The following ATXN3 variants were observed in gnomAD, a reference collection of about 807,000 sequenced individuals.
The protein encoded by ATXN3 is ataxin 3, also known as ataxin-3.
In ATXN3, 28 loss-of-function variants were observed where a neutral mutation model predicts 58.2. The observed-to-expected ratio is 0.48, with a 90% confidence interval of 0.36 to 0.66. The LOEUF is 0.66. Among genes scored for constraint, ATXN3 ranks in the 30% least tolerant of loss-of-function variants. The pLI is 0.00. For synonymous variants in ATXN3, 113 were observed against 138.5 expected (o/e 0.82, Z 1.29); for missense variants, 321 against 422.1 (o/e 0.76, Z 2.10).
intron 10 of ATXN3, among the ~76,000 whole-genome samples, chr14:92,066,542 C>T (rs545793946): frequency 6.6e-6 from 1 of 151,148 alleles, no homozygotes; most frequent in East Asian, 1.9e-4. Context: ...TTAATTTTCC[C>T]TTCACTCCTG....
At chr14:92,105,282 G>A (rs189405140) in intron 1 of ATXN3, among the ~76,000 whole-genome samples, 26 of 152,212 alleles carry the variant, frequency 1.7e-4, no homozygotes, top group Admixed American at 8.5e-4. Context: ...TGGCCCTGGC[G>A]ATATGCACCT....
chr14:92,086,289 G>A (rs187682177), intron 6 of ATXN3, among the ~76,000 whole-genome samples: 5 of 147,324 alleles, frequency 3.4e-5, no homozygotes, highest in East Asian at 2.0e-4. Flanking sequence ...GGGGCCAGGC[G>A]CAGTGGCTCA....
intron 5 of ATXN3, among the ~76,000 whole-genome samples, chr14:92,091,791 T>G (rs978220): frequency 0.28 from 42,827 of 151,766 alleles, 6,390 homozygotes; most frequent in East Asian, 0.44. Context: ...TTGACCTCTG[T>G]GCTCCCTCCT....
intron 2 of ATXN3, among the ~76,000 whole-genome samples, chr14:92,045,621 A>G (rs1219661299): frequency 1.3e-5 from 2 of 152,180 alleles, no homozygotes; most frequent in Non-Finnish European, 2.9e-5. Context: ...TGGAACACTG[A>G]GAAGTGATTT....
chr14:92,099,347 G>C (rs912489521), intron 1 of ATXN3, among the ~76,000 whole-genome samples: 1 of 152,224 alleles, frequency 6.6e-6, no homozygotes. Context: ...GGAATAGGAA[G>C]ACAACATTGA....
chr14:92,101,210 A>C (rs1027126438), intron 1 of ATXN3, among the ~76,000 whole-genome samples: 1 of 152,182 alleles, frequency 6.6e-6, no homozygotes, highest in Non-Finnish European at 1.5e-5. Flanking sequence ...TTCATACTAT[A>C]ATCTCAACTG....
At chr14:92,081,884 T>C (rs1185113350) in intron 8 of ATXN3, among the ~76,000 whole-genome samples, 1 of 151,794 alleles carries the variant, frequency 6.6e-6, no homozygotes, top group Non-Finnish European at 1.5e-5. Context: ...CCCACCAAAG[T>C]GGGCTTACGG....
In ATXN3 at chr14:92,082,430, T is replaced by C. The variant is rs770009219; in HGVS notation, c.645A>G (p.Ala215=). The C allele has an allele frequency of 5.7e-5, 92 of 1,614,188 alleles. 1 individual carries two copies. The South Asian group carries it at 8.1e-4, about 14-fold the overall frequency. Residue 215 remains alanine (A), a synonymous_variant, in exon 8 of 11, where the codon GCA becomes GCG. Coordinates refer to ENST00000644486, the MANE Select transcript of ATXN3 (RefSeq NM_004993.6). ...CGTCTAACATTCCTGAGCCATCATT[T>C]GCTTCTAACACTCGTTCCAGGTCTG... ...HKTDLERVLE[A]NDGSGMLDED...
chr14:92,082,553 G>C, intron 7 of ATXN3, 87 bp from the exon 8 acceptor site: 1 of 1,220,434 alleles, frequency 8.2e-7, no homozygotes, highest in Non-Finnish European at 1.1e-6. Context: ...AAGGCTTTAA[G>C]TAAGTCAAAA....
At position 92,067,053 on chromosome 14, in the gene ATXN3, T is replaced by A. The variant is rs561461022; in HGVS notation, c.992-2639A>T. Among the ~76,000 whole-genome samples the A allele has an allele frequency of 2.6e-5, 4 of 151,992 alleles. No individual in the cohort carries two copies. The South Asian group carries it at 8.3e-4, about 32-fold the overall frequency. ...CAAAAGTGCTGGGATTACAGGTGTG[T>A]GCCACCGTGCCCAGCCTAGAGTTTT... On this transcript the variant is annotated intron_variant, in intron 10 of 10. Coordinates refer to ENST00000644486, the MANE Select transcript of ATXN3 (RefSeq NM_004993.6).
chr14:92,068,612 CAG>C (rs200386468), intron 10 of ATXN3, among the ~76,000 whole-genome samples: 1,858 of 151,892 alleles, frequency 0.012, 49 homozygotes, highest in African/African-American at 0.042. Context: ...CTTTTTGAGA[CAG>C]AGTTTTGCTC....
rs1349175817 is a variant in ATXN3 at position 92,059,017 on chromosome 14, C to T, written c.*5303G>A. The T allele has an allele frequency of 6.6e-6, 1 of 151,374 alleles. No homozygotes were observed. The highest frequency in any genetic ancestry group is 1.5e-5 in the Non-Finnish European group (1 of 67,930). 9.4% of individuals were successfully genotyped at this position (151,374 alleles called of 1,614,324 possible). On this transcript the variant is annotated 3_prime_UTR_variant, in exon 11 of 11. Transcript: ENST00000644486. ...TATGCAAGAGACAATTGAGAGCTTC[C>T]TAAATGCATCAGGAATATCCATTTA...
chr14:92,057,560 T>A (rs2057485858), downstream of ATXN3, among the ~76,000 whole-genome samples: 1 of 152,126 alleles, frequency 6.6e-6, no homozygotes, highest in African/African-American at 2.4e-5. Context: ...TTGCCCTGAA[T>A]TCATTCTTGC....
intron 1 of ATXN3, among the ~76,000 whole-genome samples, chr14:92,100,827 C>T (rs1455476476): frequency 6.6e-6 from 1 of 152,162 alleles, no homozygotes; most frequent in Non-Finnish European, 1.5e-5. Context: ...TGAAAATTCG[C>T]TGAGCTGTAC....
chr14:92,070,937 A>G lies in ATXN3; in HGVS notation c.989T>C (p.Leu330Pro). The change falls in exon 10 of 11, where the codon CTA becomes CCA. Residue 330 changes from leucine to proline, a missense_variant and splice_region_variant. Coordinates refer to ENST00000644486, the MANE Select transcript of ATXN3 (RefSeq NM_004993.6). ...GATGAATGGTGAGCAGGCCTTACCT[A>G]GATCACTCCCAAGTGCTCCTGAACT... ...ATSSGALGSDLGDAMSEEDML... is the reference protein window; with the variant it reads ...ATSSGALGSDPGDAMSEEDML... The G allele has an allele frequency of 6.2e-7, 1 of 1,606,710 alleles. No homozygotes were observed. The highest frequency in any genetic ancestry group is 2.3e-5 in the East Asian group (1 of 44,170).
Position 92,082,486 on chromosome 14 carries a change from G to A in ATXN3, c.609-20C>T, listed in dbSNP as rs755897639. 3 of 1,589,192 alleles carry A rather than the reference G, an allele frequency of 1.9e-6. No homozygotes were observed. Among genetic ancestry groups the A allele is most frequent in the Non-Finnish European group, 2.6e-6 (3 of 1,164,126 alleles). ...TGGACTCTAAAGAACAAAAGCACTG[G>A]TAATAACTGCAACCAATCTTCTATT... On this transcript the variant is annotated intron_variant, in intron 7 of 10. Coordinates refer to ENST00000644486, the MANE Select transcript of ATXN3 (RefSeq NM_004993.6).
chr14:92,105,957 T>A (rs2068214899), intron 1 of ATXN3, among the ~76,000 whole-genome samples: 1 of 152,100 alleles, frequency 6.6e-6, no homozygotes, highest in Admixed American at 6.5e-5. Flanking sequence ...ACTTCCTAAA[T>A]GTCAGGCCCT....
upstream of ATXN3, among the ~76,000 whole-genome samples, chr14:92,050,172 TGTC>T (rs2057443380): frequency 7.0e-6 from 1 of 142,304 alleles, no homozygotes; most frequent in African/African-American, 2.7e-5. Flanking sequence ...GTGTGTGTGG[TGTC>T]TGTGTGTTTG....
chr14:92,069,053 T>C (rs569176686), intron 10 of ATXN3, among the ~76,000 whole-genome samples: 10 of 152,044 alleles, frequency 6.6e-5, no homozygotes, highest in Middle Eastern at 3.4e-3. Flanking sequence ...GTTTGTAATT[T>C]TGGGCAATGA....
Sources: gnomAD v4.1 joint callset for allele counts (sites outside exome capture counted in the v4.1 genomes callset) on GRCh38, gnomAD v4.1.1 for gene constraint, MANE v1.5 for transcripts, NCBI Gene and HGNC (gene_info 2026-07-23, HGNC 2026-07-21) for gene names.